Variants in ZZZ3 observed in about 807,000 individuals in gnomAD.
ZZZ3 encodes the protein ZZ-type zinc finger-containing protein 3.
A neutral mutation model predicts 95.2 loss-of-function variants in ZZZ3; 22 were observed. That is an observed-to-expected ratio of 0.23 (90% CI 0.17 to 0.33). The LOEUF (loss-of-function observed/expected upper bound fraction) is 0.33, where lower values mean the gene tolerates loss of function less well. Among genes scored for constraint, ZZZ3 ranks in the 10% least tolerant of loss-of-function variants. The pLI is 1.00. For synonymous variants in ZZZ3, 335 were observed against 358.9 expected, an observed-to-expected ratio of 0.93 and a Z score of 0.75; for missense variants, 885 against 1,066.5, an observed-to-expected ratio of 0.83 and a Z score of 2.37.
Position 77,601,197 on chromosome 1 carries a change from C to T in ZZZ3, c.1506-16542G>A, listed in dbSNP as rs370958124. Among the ~76,000 whole-genome samples the T allele has an allele frequency of 1.8e-3, 272 of 152,128 alleles. 2 individuals are homozygous for T. Among genetic ancestry groups the T allele is most frequent in the Middle Eastern group, 0.01 (3 of 294 alleles). On this transcript the variant is annotated intron_variant, in intron 5 of 14. Coordinates refer to ENST00000370801, the MANE Select transcript of ZZZ3 (RefSeq NM_015534.6). Reference sequence around the variant, plus strand: ...GGTGACTGTCTAGACAAAAATAATACCACAGAAACTGGAAAAATGTTTCAA... The same window carrying T: ...GGTGACTGTCTAGACAAAAATAATATCACAGAAACTGGAAAAATGTTTCAA...
intron 5 of ZZZ3, among the ~76,000 whole-genome samples, chr1:77,622,809 A>G (rs1051902259): frequency 6.6e-6 from 1 of 152,226 alleles, no homozygotes. Context: ...TTCTTCAATT[A>G]AAATTCTTAC....
intron 1 of ZZZ3, among the ~76,000 whole-genome samples, chr1:77,658,201 A>AC (rs1369866396): frequency 4.1e-5 from 6 of 145,156 alleles, no homozygotes; most frequent in African/African-American, 1.6e-4. Context: ...AAAAAAAAAA[A>AC]ACACAACATA....
intron 5 of ZZZ3, among the ~76,000 whole-genome samples, chr1:77,594,773 T>TA (rs1191856080): frequency 1.3e-5 from 2 of 151,604 alleles, no homozygotes; most frequent in African/African-American, 2.4e-5. Context: ...TACTATAGAT[T>TA]AAAAAAATCA....
intron 5 of ZZZ3, among the ~76,000 whole-genome samples, chr1:77,609,371 A>G (rs1665555039): frequency 1.3e-5 from 2 of 152,216 alleles, no homozygotes; most frequent in Admixed American, 1.3e-4. Flanking sequence ...TCAACACTGA[A>G]GCACTCAGAT....
At chr1:77,574,861 G>A (rs1212935045) in intron 12 of ZZZ3, among the ~76,000 whole-genome samples, 1 of 152,176 alleles carries the variant, frequency 6.6e-6, no homozygotes, top group African/African-American at 2.4e-5. Flanking sequence ...CATCTTTGAA[G>A]GATATGAGAA....
At chr1:77,663,116 T>A (rs575357845) in intron 1 of ZZZ3, among the ~76,000 whole-genome samples, 11 of 150,800 alleles carry the variant, frequency 7.3e-5, no homozygotes, top group Admixed American at 3.3e-4. Flanking sequence ...AAAAAAAAAT[T>A]AATAAAAAAA....
At chr1:77,579,443 T>C in intron 10 of ZZZ3, 84 bp downstream of exon 10, 1 of 962,126 alleles carries the variant, frequency 1.0e-6, no homozygotes, top group Non-Finnish European at 1.6e-6. Context: ...TTATGGCAGA[T>C]CGCCCAATGT....
rs771340636 is a variant in ZZZ3, at chr1:77,632,032, A to G, written c.1323T>C (p.Cys441=). The G allele has an allele frequency of 1.2e-5, 19 of 1,614,132 alleles. No individual in the cohort carries two copies. In the East Asian group the frequency reaches 1.6e-4, roughly 13 times the overall value. ...GEISQNEKGI[C]CDSQNNGSEG... ...CACTTCCATTATTTTGAGAGTCACA[A>G]CATATCCCTTTTTCATTTTGAGAAA... The change falls in exon 5 of 15, where the codon TGT becomes TGC. Residue 441 remains cysteine (C), a synonymous_variant. Transcript: ENST00000370801.
chr1:77,638,578 A>G (rs1366182416), intron 4 of ZZZ3, among the ~76,000 whole-genome samples: 2 of 152,212 alleles, frequency 1.3e-5, no homozygotes, highest in East Asian at 3.8e-4. Context: ...TATAATCACC[A>G]AAGTGGTACA....
At chr1:77,616,254 CAAG>C (rs1157032919) in intron 5 of ZZZ3, among the ~76,000 whole-genome samples, 2 of 152,088 alleles carry the variant, frequency 1.3e-5, no homozygotes, top group Non-Finnish European at 2.9e-5. Flanking sequence ...TTCTAATGCC[CAAG>C]AACACTCTGG....
At chr1:77,604,601 T>C (rs963179481) in intron 5 of ZZZ3, among the ~76,000 whole-genome samples, 4 of 152,206 alleles carry the variant, frequency 2.6e-5, no homozygotes, top group African/African-American at 9.6e-5. Context: ...ATGTTCTAAA[T>C]CCATTCCCTT....
chr1:77,615,931 C>CCACACA (rs150494323), intron 5 of ZZZ3, among the ~76,000 whole-genome samples: 1 of 151,066 alleles, frequency 6.6e-6, no homozygotes, highest in African/African-American at 2.4e-5. Flanking sequence ...GGCCCCCCCA[C>CCACACA]CACACACACA....
intron 5 of ZZZ3, among the ~76,000 whole-genome samples, chr1:77,592,869 T>C (rs1027309743): frequency 6.6e-6 from 1 of 152,156 alleles, no homozygotes; most frequent in Non-Finnish European, 1.5e-5. Context: ...GAGAAAATAT[T>C]TGAAAGTTCT....
chr1:77,664,791 T>C (rs975685641), intron 1 of ZZZ3, among the ~76,000 whole-genome samples: 1 of 152,224 alleles, frequency 6.6e-6, no homozygotes, highest in Non-Finnish European at 1.5e-5. Flanking sequence ...AAGTCTGACA[T>C]TAATTCCTTC....
chr1:77,573,733 C>T (rs1423190466), intron 12 of ZZZ3, among the ~76,000 whole-genome samples: 1 of 151,904 alleles, frequency 6.6e-6, no homozygotes, highest in African/African-American at 2.4e-5. Flanking sequence ...AGTTTGATGC[C>T]AAAGTATACA....
upstream of ZZZ3, among the ~76,000 whole-genome samples, chr1:77,683,093 CCG>C (rs1672955824): frequency 7.3e-4 from 4 of 5,486 alleles, no homozygotes; most frequent in Non-Finnish European, 1.4e-3. Flanking sequence ...GGGGGCTTCG[CCG>C]TCGCAGCCGT....
intron 5 of ZZZ3, among the ~76,000 whole-genome samples, chr1:77,605,540 A>T (rs909728197): frequency 3.3e-5 from 5 of 152,028 alleles, no homozygotes; most frequent in African/African-American, 7.2e-5. Context: ...TGCTTGCACC[A>T]CCCTTCCCCT....
chr1:77,627,601 A>G (rs1048893122), intron 5 of ZZZ3, among the ~76,000 whole-genome samples: 1 of 152,226 alleles, frequency 6.6e-6, no homozygotes, highest in South Asian at 2.1e-4. Flanking sequence ...ATTATTTACT[A>G]TCATTAACGT....
At chr1:77,568,069 A>C (rs1660993615) in intron 13 of ZZZ3, among the ~76,000 whole-genome samples, 1 of 152,156 alleles carries the variant, frequency 6.6e-6, no homozygotes, top group Non-Finnish European at 1.5e-5. Context: ...TTTTAAAATT[A>C]AATGAATACT....
Sources: gnomAD v4.1 joint callset for allele counts (sites outside exome capture counted in the v4.1 genomes callset) on GRCh38, gnomAD v4.1.1 for gene constraint, MANE v1.5 for transcripts, NCBI Gene and HGNC (gene_info 2026-07-23, HGNC 2026-07-21) for gene names.